TLE3: variants seen among roughly 807,000 people sequenced by gnomAD.
TLE3 encodes TLE family member 3, transcriptional corepressor.
In TLE3, 14 loss-of-function variants were observed where a neutral mutation model predicts 93.0. The ratio of observed to expected loss-of-function variants is 0.15; its 90% CI spans 0.10 to 0.24. The LOEUF is 0.24. Ranked by LOEUF, TLE3 falls within the 10% of genes least tolerant of loss-of-function variation. The pLI, the probability that TLE3 is intolerant of heterozygous loss-of-function variation, is 1.00. For missense variants in TLE3, 693 were observed against 1,046.6 expected, an observed-to-expected ratio of 0.66 and a Z score of 4.66; for synonymous variants, 451 against 425.0, an observed-to-expected ratio of 1.06 and a Z score of -0.75.
intron 8 of TLE3, 26 bp downstream of exon 8, chr15:70,064,428 C>T (rs1034064911): frequency 6.2e-7 from 1 of 1,613,372 alleles, no homozygotes; most frequent in Non-Finnish European, 8.5e-7. Flanking sequence ...AAACACCCCT[C>T]CGGGTTCCAG....
In TLE3 at chr15:70,066,053, C is replaced by A; in HGVS notation, c.538G>T (p.Val180Leu). Reference sequence around the variant, plus strand: ...TCATGGTGGTTCTTCTCATCCTTCACCGTCAGATGGGCCTGGCTGCCCAGG... The same window carrying A: ...TCATGGTGGTTCTTCTCATCCTTCAACGTCAGATGGGCCTGGCTGCCCAGG... ...GALGSQAHLT[V>L]KDEKNHHELD... The change falls in exon 7 of 20, where the codon GTG becomes TTG. Residue 180 changes from valine to leucine, a missense_variant. This residue lies in a region of TLE3 where 405 missense variants were observed against 468.9 expected (regional missense o/e 0.86). Coordinates refer to ENST00000451782, the MANE Select transcript of TLE3 (RefSeq NM_001105192.3). 1 of 1,601,362 alleles carries A rather than the reference C, an allele frequency of 6.2e-7. No homozygotes were observed. Among genetic ancestry groups the A allele is most frequent in the African/African-American group, 1.3e-5 (1 of 74,748 alleles).
At chr15:70,071,285 C>T (rs1277802205) in intron 6 of TLE3, among the ~76,000 whole-genome samples, 2 of 152,138 alleles carry the variant, frequency 1.3e-5, no homozygotes, top group Non-Finnish European at 2.9e-5. Context: ...CAAGTCTTGC[C>T]AGGCCCCAGC....
chr15:70,055,558 GGA>G, intron 14 of TLE3: 3 of 408,120 alleles, frequency 7.4e-6, no homozygotes, highest in Non-Finnish European at 8.6e-6. Flanking sequence ...CAGGTGTCCT[GGA>G]ATGCCCTTTC....
In TLE3 at chr15:70,055,304, A is replaced by G; in HGVS notation, c.1329-6T>C. On this transcript the variant is annotated splice_polypyrimidine_tract_variant and splice_region_variant and intron_variant, in intron 14 of 19. Coordinates refer to ENST00000451782, the MANE Select transcript of TLE3 (RefSeq NM_001105192.3). ...TCACATGGAATGAGTACGCTCTGAA[A>G]AGGTGAGAAACCGTCACTGCTGCCA... 6.4e-7 allele frequency: 1 copy of G among 1,558,652 alleles called. No homozygotes were observed.
At chr15:70,064,393 C>A in intron 8 of TLE3, 61 bp downstream of exon 8, 3 of 1,604,974 alleles carry the variant, frequency 1.9e-6, no homozygotes, top group Non-Finnish European at 2.6e-6. Flanking sequence ...CTGGGAGCCC[C>A]GAGTCCCACC....
intron 7 of TLE3, among the ~76,000 whole-genome samples, chr15:70,065,435 C>T (rs928542555): frequency 6.6e-6 from 1 of 152,200 alleles, no homozygotes; most frequent in African/African-American, 2.4e-5. Context: ...GTGTGCACTA[C>T]CCCCACTTAC....
rs2058552464 is a variant in TLE3 at position 70,096,233 on chromosome 15, A to T, written c.53T>A (p.Phe18Tyr). 1.9e-6 allele frequency: 3 copies of T among 1,557,312 alleles called. No homozygotes were observed. Among genetic ancestry groups the T allele is most frequent in the Non-Finnish European group, 2.6e-6 (3 of 1,150,288 alleles). ...PAPHQPGQPG[F>Y]KFTVAESCDR... is the part of the protein sequence containing the mutation. ...ACAAGACTCAGCCACCGTGAATTTAAATCCCGGCTGCCCGGGTTGATGGGG... is the reference window on the plus strand; with the variant it reads ...ACAAGACTCAGCCACCGTGAATTTATATCCCGGCTGCCCGGGTTGATGGGG... Residue 18 changes from phenylalanine (F) to tyrosine (Y), a missense_variant, in exon 2 of 20, where the codon TTT (phenylalanine) becomes TAT (tyrosine). Phe to Tyr is a conservative substitution (Grantham distance 22). Coordinates refer to ENST00000451782, the MANE Select transcript of TLE3 (RefSeq NM_001105192.3).
At chr15:70,056,467 A>T in intron 13 of TLE3, 93 bp from the exon 14 acceptor site, 1 of 1,148,674 alleles carries the variant, frequency 8.7e-7, no homozygotes, top group Admixed American at 1.8e-5. Context: ...TCCTACCTGC[A>T]CGGCTCTGCC....
At chr15:70,066,795 G>T in intron 6 of TLE3, 1 of 196,202 alleles carries the variant, frequency 5.1e-6, no homozygotes, top group Non-Finnish European at 1.1e-5. Context: ...AACGTCACCG[G>T]ACATCAGTGG....
chr15:70,083,736 T>G (rs1037024609), intron 4 of TLE3, among the ~76,000 whole-genome samples: 3 of 151,798 alleles, frequency 2.0e-5, no homozygotes, highest in African/African-American at 7.3e-5. Context: ...CACATTACCC[T>G]TGCAGAGACA....
chr15:70,058,832 T>C lies in TLE3; in HGVS notation c.766-17A>G. On this transcript the variant is annotated splice_polypyrimidine_tract_variant and intron_variant, in intron 10 of 19. Transcript: ENST00000451782. This position sits in a 1 kb window ranked among gnomAD's most constrained non-coding sequence, Gnocchi z 4.1. ...TGCGGGGTCCTGAAAACACAAGTGATGCAGAGATGCACTGAAAGCAACAGC... is the reference window on the plus strand; with the variant it reads ...TGCGGGGTCCTGAAAACACAAGTGACGCAGAGATGCACTGAAAGCAACAGC... 6.5e-7 allele frequency: 1 copy of C among 1,548,954 alleles called. No individual in the cohort carries two copies. The highest frequency in any genetic ancestry group is 8.7e-7 in the Non-Finnish European group (1 of 1,150,392).
chr15:70,090,608 C>A (rs757147668), intron 4 of TLE3, among the ~76,000 whole-genome samples: 1 of 152,038 alleles, frequency 6.6e-6, no homozygotes, highest in Non-Finnish European at 1.5e-5. Context: ...AGATCCAGAG[C>A]GGGGAGGGGA....
intron 4 of TLE3, among the ~76,000 whole-genome samples, chr15:70,088,137 C>T (rs2141997627): frequency 6.6e-6 from 1 of 152,338 alleles, no homozygotes; most frequent in Admixed American, 6.5e-5. Context: ...AGTGACAGCT[C>T]TGCAGCCCAC....
intron 8 of TLE3, among the ~76,000 whole-genome samples, chr15:70,062,018 C>T (rs1386534693): frequency 1.3e-5 from 2 of 152,190 alleles, no homozygotes; most frequent in African/African-American, 4.8e-5. Context: ...TTGGAGGGAA[C>T]GGGGCTGGGC....
At chr15:70,078,167 A>G (rs2057543432) in intron 4 of TLE3, among the ~76,000 whole-genome samples, 1 of 152,184 alleles carries the variant, frequency 6.6e-6, no homozygotes, top group African/African-American at 2.4e-5. Context: ...TTAAGTGGGA[A>G]GAGCTCTCCC....
chr15:70,064,731 G>A (rs569383175), intron 7 of TLE3, among the ~76,000 whole-genome samples: 1 of 152,086 alleles, frequency 6.6e-6, no homozygotes, highest in South Asian at 2.1e-4. Flanking sequence ...GGGTGGGCAA[G>A]GGAGGCCCAG....
chr15:70,060,746 G>C (rs757147552), intron 8 of TLE3, 97 bp from the exon 9 acceptor site: 2 of 1,563,098 alleles, frequency 1.3e-6, no homozygotes, highest in Non-Finnish European at 1.7e-6. Flanking sequence ...CGGAGGTCAG[G>C]GGAGGGAAGA....
rs1595868451 is a variant in TLE3 at position 70,055,280 on chromosome 15, C to G, written c.1347G>C (p.Val449=). 1.3e-6 allele frequency: 2 copies of G among 1,592,514 alleles called. No homozygotes were observed. Among genetic ancestry groups the G allele is most frequent in the African/African-American group, 2.7e-5 (2 of 74,844 alleles). Residue 449 remains valine (V), a synonymous_variant, in exon 15 of 20, where the codon GTG becomes GTC. Coordinates refer to ENST00000451782, the MANE Select transcript of TLE3 (RefSeq NM_001105192.3). ...CGGGCTGCATCTGCCCATCAGCACTCACATGGAATGAGTACGCTCTGAAAA... is the reference window on the plus strand; with the variant it reads ...CGGGCTGCATCTGCCCATCAGCACTGACATGGAATGAGTACGCTCTGAAAA... ...PGGKPAYSFH[V]SADGQMQPVP...
At chr15:70,067,392 A>AG (rs1408104180) in intron 6 of TLE3, among the ~76,000 whole-genome samples, 2 of 152,206 alleles carry the variant, frequency 1.3e-5, no homozygotes, top group African/African-American at 4.8e-5. Flanking sequence ...CTGGCAAGGG[A>AG]GGGGTTGTGG....
Sources: gnomAD v4.1 joint callset for allele counts (sites outside exome capture counted in the v4.1 genomes callset) on GRCh38, gnomAD v4.1.1 for gene constraint, gnomAD v4.1.1 regional missense constraint, Gnocchi (gnomAD v3.1) non-coding constraint, MANE v1.5 for transcripts, NCBI Gene and HGNC (gene_info 2026-07-23, HGNC 2026-07-21) for gene names.